NR3C2: variants seen among roughly 807,000 people sequenced by gnomAD.
NR3C2 encodes the protein mineralocorticoid receptor.
NR3C2 carries 15 observed loss-of-function variants against 86.4 expected under a neutral mutation model. The observed-to-expected ratio is 0.17, with a 90% CI of 0.12 to 0.27. The LOEUF is 0.27. Ranked by LOEUF, NR3C2 falls within the 10% of genes least tolerant of loss-of-function variation. The probability of loss-of-function intolerance (pLI) is 1.00; values close to 1 mark genes in which losing one functional copy is unlikely to be tolerated. For missense variants in NR3C2, 960 were observed against 1,195.6 expected (o/e 0.80, Z 2.91); for synonymous variants, 458 against 450.5 (o/e 1.02, Z -0.21).
upstream of NR3C2, chr4:148,444,369 G>T (rs1419275541): frequency 5.2e-5 from 51 of 985,122 alleles, no homozygotes; most frequent in Non-Finnish European, 6.0e-5. Flanking sequence ...CCCCAGGGCC[G>T]CCAGCGGGCA....
intron 4 of NR3C2, among the ~76,000 whole-genome samples, chr4:148,185,513 C>CT (rs1054864152): frequency 7.3e-5 from 11 of 151,566 alleles, no homozygotes; most frequent in Non-Finnish European, 1.0e-4. Context: ...TTTTGAACTA[C>CT]TTTTTTTTTA....
chr4:148,308,245 T>TA (rs1031392933), intron 2 of NR3C2, among the ~76,000 whole-genome samples: 1 of 152,002 alleles, frequency 6.6e-6, no homozygotes, highest in African/African-American at 2.4e-5. Flanking sequence ...TATAAACCCA[T>TA]ACAAACACAA....
intron 2 of NR3C2, among the ~76,000 whole-genome samples, chr4:148,404,496 G>T (rs1431329234): frequency 1.3e-5 from 2 of 151,986 alleles, no homozygotes; most frequent in African/African-American, 4.8e-5. Flanking sequence ...GCAGGGACAC[G>T]TTATCTGTGC....
At chr4:148,261,781 GATTT>G (rs1454824174) in intron 2 of NR3C2, among the ~76,000 whole-genome samples, 1 of 152,150 alleles carries the variant, frequency 6.6e-6, no homozygotes, top group Non-Finnish European at 1.5e-5. Flanking sequence ...TTACAGTGAA[GATTT>G]ATTTTTCAAG....
At chr4:148,419,894 C>A (rs1749195070) in intron 2 of NR3C2, among the ~76,000 whole-genome samples, 1 of 152,140 alleles carries the variant, frequency 6.6e-6, no homozygotes, top group Admixed American at 6.5e-5. Flanking sequence ...AGCAATGTGA[C>A]CAACCTATTT....
At chr4:148,283,975 A>G (rs893547365) in intron 2 of NR3C2, among the ~76,000 whole-genome samples, 1 of 152,166 alleles carries the variant, frequency 6.6e-6, no homozygotes, top group Non-Finnish European at 1.5e-5. Context: ...ATCATATACT[A>G]ATTCGATTCA....
intron 2 of NR3C2, among the ~76,000 whole-genome samples, chr4:148,418,051 T>C (rs1406162986): frequency 6.6e-6 from 1 of 152,172 alleles, no homozygotes; most frequent in African/African-American, 2.4e-5. Context: ...ATAATATTGA[T>C]GTTTGTGAAT....
At chr4:148,226,509 C>T (rs964914075) in intron 3 of NR3C2, among the ~76,000 whole-genome samples, 2 of 152,120 alleles carry the variant, frequency 1.3e-5, no homozygotes, top group African/African-American at 4.8e-5. Flanking sequence ...AATAAAGATG[C>T]TATGAACATT....
chr4:148,100,681 G>A (rs1347769486), intron 8 of NR3C2, among the ~76,000 whole-genome samples: 1 of 152,178 alleles, frequency 6.6e-6, no homozygotes, highest in Admixed American at 6.5e-5. Flanking sequence ...AAAAATAAAT[G>A]CAGAATTATA....
rs574380701 is a variant in NR3C2 at position 148,216,503 on chromosome 4, G to C, written c.1898-21641C>G. On this transcript the variant is annotated intron_variant, in intron 3 of 8. Transcript: ENST00000358102. Reference sequence around the variant, plus strand: ...AGTAAATGAAAGAGCCAAGATTTGAGCCCAAGCAGACAGGCTCTGGCACCC... The same window carrying C: ...AGTAAATGAAAGAGCCAAGATTTGACCCCAAGCAGACAGGCTCTGGCACCC... Among the ~76,000 whole-genome samples, 49 of 152,256 alleles carry C rather than the reference G, an allele frequency of 3.2e-4. 1 individual carries two copies. The highest frequency in any genetic ancestry group is 1.2e-3 in the African/African-American group (48 of 41,534).
intron 2 of NR3C2, among the ~76,000 whole-genome samples, chr4:148,409,874 T>A (rs534613788): frequency 6.6e-6 from 1 of 152,124 alleles, no homozygotes; most frequent in African/African-American, 2.4e-5. Context: ...GAAAATATAC[T>A]TTATTTCTCT....
intron 2 of NR3C2, among the ~76,000 whole-genome samples, chr4:148,431,938 G>A (rs115371738): frequency 0.015 from 2,240 of 152,094 alleles, 28 homozygotes; most frequent in Non-Finnish European, 0.024. Flanking sequence ...ATTTGTTTAT[G>A]TGAGTTACAG....
rs1171554799 is a variant in NR3C2 at position 148,079,870 on chromosome 4, T to C, written c.*1474A>G. The C allele has an allele frequency of 6.6e-6, 1 of 152,508 alleles. No individual in the cohort carries two copies. The highest frequency in any genetic ancestry group is 2.4e-5 in the African/African-American group (1 of 41,452). The allele number at this position is 152,508 out of a possible 1,614,324, so 9.4% of individuals were successfully genotyped here. ...TGGGCCGTCCCAGCGCATCCTGCCA[T>C]GATCTGTGCGTTCCTGTGACCGGTT... is the stretch of plus-strand genomic sequence containing the variant. On this transcript the variant is annotated 3_prime_UTR_variant, in exon 9 of 9. Transcript: ENST00000358102.
chr4:148,381,963 A>C (rs1239110278), intron 2 of NR3C2, among the ~76,000 whole-genome samples: 1 of 152,142 alleles, frequency 6.6e-6, no homozygotes, highest in African/African-American at 2.4e-5. Flanking sequence ...ATTTACCTAG[A>C]TCCAATACAA....
At chr4:148,109,915 T>A (rs1560926445) in intron 8 of NR3C2, among the ~76,000 whole-genome samples, 1 of 152,226 alleles carries the variant, frequency 6.6e-6, no homozygotes, top group African/African-American at 2.4e-5. Flanking sequence ...ACATAAATAG[T>A]CCTTGATCTC....
chr4:148,187,061 T>C (rs1325646247), intron 4 of NR3C2, among the ~76,000 whole-genome samples: 6 of 144,338 alleles, frequency 4.2e-5, no homozygotes, highest in African/African-American at 1.5e-4. Context: ...CTGTGATATA[T>C]ATATATGATA....
chr4:148,410,734 G>A (rs1202306059), intron 2 of NR3C2, among the ~76,000 whole-genome samples: 3 of 152,086 alleles, frequency 2.0e-5, no homozygotes, highest in African/African-American at 4.8e-5. Flanking sequence ...GTGAAAAAAG[G>A]TCACTCCAAG....
intron 3 of NR3C2, among the ~76,000 whole-genome samples, chr4:148,242,012 A>C (rs1473517769): frequency 6.6e-6 from 1 of 152,200 alleles, no homozygotes; most frequent in African/African-American, 2.4e-5. Context: ...CAGAGACAGA[A>C]AGTAGAATGG....
At chr4:148,362,486 T>C (rs980199324) in intron 2 of NR3C2, among the ~76,000 whole-genome samples, 1 of 152,220 alleles carries the variant, frequency 6.6e-6, no homozygotes, top group Non-Finnish European at 1.5e-5. Context: ...AAATTAAAAA[T>C]TTTAAAAATG....
Sources: gnomAD v4.1 joint callset for allele counts (sites outside exome capture counted in the v4.1 genomes callset) on GRCh38, gnomAD v4.1.1 for gene constraint, MANE v1.5 for transcripts, NCBI Gene and HGNC (gene_info 2026-07-23, HGNC 2026-07-21) for gene names.